KANK4: variants seen among roughly 807,000 people sequenced by gnomAD.
The protein encoded by KANK4 is KN motif and ankyrin repeat domain-containing protein 4.
Under a neutral mutation model 80.8 loss-of-function variants are expected in KANK4, and 50 were observed. That is an observed-to-expected ratio of 0.62 (90% CI 0.49 to 0.78). The LOEUF is 0.78. KANK4 is among the 30% of genes least tolerant of loss of function. The probability of loss-of-function intolerance (pLI) is 0.00; values close to 1 mark genes in which losing one functional copy is unlikely to be tolerated. For synonymous variants in KANK4, 465 were observed against 506.9 expected (o/e 0.92, Z 1.11); for missense variants, 1,196 against 1,240.1 (o/e 0.96, Z 0.53).
At chr1:62,261,688 T>G (rs1671889929) in intron 7 of KANK4, among the ~76,000 whole-genome samples, 1 of 152,178 alleles carries the variant, frequency 6.6e-6, no homozygotes, top group South Asian at 2.1e-4. Flanking sequence ...CAAGCAGGGT[T>G]CAGCCTGGCA....
At chr1:62,282,408 C>T (rs142581595) in intron 1 of KANK4, among the ~76,000 whole-genome samples, 98 of 152,232 alleles carry the variant, frequency 6.4e-4, no homozygotes, top group African/African-American at 2.1e-3. Flanking sequence ...GATTGTAACT[C>T]CACATACATC....
In KANK4 at chr1:62,314,966, C is replaced by T. The variant is rs117692260; in HGVS notation, c.-71+4140G>A. Among the ~76,000 whole-genome samples, 204 of 152,336 alleles carry T rather than the reference C, an allele frequency of 1.3e-3. 1 individual carries two copies. The East Asian group carries it at 0.031, about 23-fold the overall frequency. Reference sequence around the variant, plus strand: ...GCCCATGTATCACATTCACCATCTACGTACTTTAAATCTTGGACAGCATTT... The same window carrying T: ...GCCCATGTATCACATTCACCATCTATGTACTTTAAATCTTGGACAGCATTT... On this transcript the variant is annotated intron_variant, in intron 1 of 9. Coordinates refer to ENST00000371153, the MANE Select transcript of KANK4 (RefSeq NM_181712.5).
chr1:62,259,732 C>A (rs982950695), intron 7 of KANK4, among the ~76,000 whole-genome samples: 2 of 147,758 alleles, frequency 1.4e-5, no homozygotes, highest in Non-Finnish European at 1.5e-5. Flanking sequence ...TAATTATATT[C>A]ATTATTATAT....
At chr1:62,278,876 G>T (rs953565831) in intron 2 of KANK4, among the ~76,000 whole-genome samples, 1 of 152,088 alleles carries the variant, frequency 6.6e-6, no homozygotes, top group Admixed American at 6.5e-5. Context: ...CAGATTATAA[G>T]GACAGGCCAA....
intron 9 of KANK4, among the ~76,000 whole-genome samples, chr1:62,245,299 G>A (rs1671439598): frequency 6.6e-6 from 1 of 152,236 alleles, no homozygotes; most frequent in Non-Finnish European, 1.5e-5. Context: ...ATGTCAAGAA[G>A]GTCAGTGCCC....
intron 8 of KANK4, among the ~76,000 whole-genome samples, chr1:62,251,474 T>C (rs1205856129): frequency 2.0e-5 from 3 of 152,126 alleles, no homozygotes; most frequent in East Asian, 3.9e-4. Flanking sequence ...TTCATTCCTG[T>C]AGGTTCAAAA....
chr1:62,303,583 A>C (rs1368470036), intron 1 of KANK4, among the ~76,000 whole-genome samples: 1 of 152,072 alleles, frequency 6.6e-6, no homozygotes, highest in African/African-American at 2.4e-5. Flanking sequence ...CACCAACTAC[A>C]TGTTAGTGGC....
intron 7 of KANK4, among the ~76,000 whole-genome samples, chr1:62,255,286 G>A (rs1054805796): frequency 3.9e-5 from 6 of 152,126 alleles, no homozygotes; most frequent in Admixed American, 2.6e-4. Flanking sequence ...CCCACCTAAG[G>A]AGAGGTAGGG....
chr1:62,273,375 AGTTCC>A lies in KANK4; in HGVS notation c.1724_1728del (p.Trp575LeufsTer66). The A allele has an allele frequency of 6.2e-7, 1 of 1,607,582 alleles. No homozygotes were observed. The highest frequency in any genetic ancestry group is 2.2e-5 in the East Asian group (1 of 44,694). On this transcript the variant is annotated frameshift_variant, in exon 3 of 10. Coordinates refer to ENST00000371153, the MANE Select transcript of KANK4 (RefSeq NM_181712.5). LOFTEE classifies it high-confidence loss of function. ...AGCTCCGGGTACCCATGCTCCAGGC[AGTTCC>A]ACTGCTCCTGCAGGAGCTCCTGGAT...
chr1:62,312,787 T>A (rs1644507954), intron 1 of KANK4, among the ~76,000 whole-genome samples: 1 of 152,188 alleles, frequency 6.6e-6, no homozygotes, highest in South Asian at 2.1e-4. Context: ...AAAAGAGAGC[T>A]TCGTGCAATC....
At chr1:62,318,734 T>A (rs1432629245) in intron 1 of KANK4, among the ~76,000 whole-genome samples, 1 of 152,196 alleles carries the variant, frequency 6.6e-6, no homozygotes. Flanking sequence ...GGGCGGGGGC[T>A]GCACCACCTG....
At position 62,238,256 on chromosome 1, in the gene KANK4, C is replaced by T. The variant is rs746032364; in HGVS notation, c.*21G>A. The T allele has an allele frequency of 1.2e-4, 187 of 1,573,322 alleles. 1 individual carries two copies. Among genetic ancestry groups the T allele is most frequent in the South Asian group, 1.3e-4 (12 of 90,174 alleles). ...CAGAGAAGAAGGCTTTTGTTCCCCA[C>T]GGCCAGTTCTTCTGCAGCCCCTACA... On this transcript the variant is annotated 3_prime_UTR_variant, in exon 10 of 10. Transcript: ENST00000371153.
At chr1:62,279,422 G>A (rs149426945) in intron 2 of KANK4, among the ~76,000 whole-genome samples, 2 of 152,362 alleles carry the variant, frequency 1.3e-5, no homozygotes, top group East Asian at 3.9e-4. Context: ...CGGGAGCTCA[G>A]AATTCCAGGC....
At chr1:62,313,070 G>T (rs1644510649) in intron 1 of KANK4, among the ~76,000 whole-genome samples, 1 of 152,200 alleles carries the variant, frequency 6.6e-6, no homozygotes, top group African/African-American at 2.4e-5. Context: ...TTTTGAGGGA[G>T]AGAGAGAAAG....
At chr1:62,287,729 T>G (rs1369509954) in intron 1 of KANK4, among the ~76,000 whole-genome samples, 1 of 152,208 alleles carries the variant, frequency 6.6e-6, no homozygotes, top group African/African-American at 2.4e-5. Context: ...TTCCTTACTT[T>G]TCTTGGAAGA....
chr1:62,246,335 G>T (rs906003355), intron 9 of KANK4, among the ~76,000 whole-genome samples: 2 of 152,180 alleles, frequency 1.3e-5, no homozygotes, highest in African/African-American at 4.8e-5. Flanking sequence ...GTGTCCGAGA[G>T]GCACTTTCAG....
chr1:62,311,204 A>G (rs1454241748), intron 1 of KANK4, among the ~76,000 whole-genome samples: 1 of 152,174 alleles, frequency 6.6e-6, no homozygotes, highest in Non-Finnish European at 1.5e-5. Flanking sequence ...AGAATCAGGC[A>G]GATGCAGGCT....
chr1:62,296,286 G>A (rs1233984418), intron 1 of KANK4, among the ~76,000 whole-genome samples: 1 of 152,032 alleles, frequency 6.6e-6, no homozygotes, highest in Admixed American at 6.6e-5. Flanking sequence ...ATCCTTATGT[G>A]AATCCTCCCA....
At position 62,276,777 on chromosome 1, in the gene KANK4, C is replaced by CAAAAAAAA. The variant is rs61573295; in HGVS notation, c.17-1691_17-1690insTTTTTTTT. Among the ~76,000 whole-genome samples the CAAAAAAAA allele has an allele frequency of 1.3e-4, 18 of 138,932 alleles. 1 individual carries two copies. The highest frequency in any genetic ancestry group is 2.1e-4 in the East Asian group (1 of 4,668). 91.1% of individuals were successfully genotyped at this position (138,932 alleles called of 152,430 possible). The stretch of plus-strand genomic sequence containing the variant: ...GGGCAACGATAGCAAAACTCCATCT[C>CAAAAAAAA]AAAAATAAGACTATTGTGAGGACTA... On this transcript the variant is annotated intron_variant, in intron 2 of 9. Coordinates refer to ENST00000371153, the MANE Select transcript of KANK4 (RefSeq NM_181712.5).
Sources: allele counts gnomAD v4.1 joint callset (sites outside exome capture counted in the v4.1 genomes callset), GRCh38; gene constraint gnomAD v4.1.1; transcripts MANE v1.5; gene names NCBI Gene and HGNC (gene_info 2026-07-23, HGNC 2026-07-21).